The following ZNF423 variants were observed in gnomAD, a reference collection of about 807,000 sequenced individuals.
ZNF423 encodes the protein Ebf-associated zinc finger protein.
In ZNF423, 12 loss-of-function variants were observed where a neutral mutation model predicts 95.8. That is an observed-to-expected ratio of 0.13 (90% CI 0.08 to 0.20). The LOEUF (loss-of-function observed/expected upper bound fraction) is 0.20, where lower values mean the gene tolerates loss of function less well. Ranked by LOEUF, ZNF423 falls within the 10% of genes least tolerant of loss-of-function variation. The pLI, the probability that ZNF423 is intolerant of heterozygous loss-of-function variation, is 1.00. For synonymous variants in ZNF423, 749 were observed against 711.9 expected (o/e 1.05, Z -0.83); for missense variants, 1,316 against 1,737.1 (o/e 0.76, Z 4.31).
intron 5 of ZNF423, among the ~76,000 whole-genome samples, chr16:49,615,327 G>A (rs1971842386): frequency 6.6e-6 from 1 of 152,132 alleles, no homozygotes. Flanking sequence ...AATGAATGGA[G>A]ACATACTTCG....
chr16:49,654,392 C>T (rs867551460), intron 3 of ZNF423, among the ~76,000 whole-genome samples: 2 of 152,204 alleles, frequency 1.3e-5, no homozygotes, highest in African/African-American at 4.8e-5. Flanking sequence ...TCTGGGCCTA[C>T]AGAAGATGGC....
chr16:49,843,785 C>T (rs1263677500), intron 1 of ZNF423, among the ~76,000 whole-genome samples: 1 of 152,042 alleles, frequency 6.6e-6, no homozygotes, highest in East Asian at 1.9e-4. Context: ...CCCTCCCGCC[C>T]ACTTAGCTGG....
chr16:49,708,685 C>A (rs2032440755), intron 3 of ZNF423, among the ~76,000 whole-genome samples: 1 of 152,190 alleles, frequency 6.6e-6, no homozygotes, highest in South Asian at 2.1e-4. Flanking sequence ...ACACGTGCTA[C>A]CCGCACAGCC....
intron 2 of ZNF423, among the ~76,000 whole-genome samples, chr16:49,737,177 A>G (rs1211663445): frequency 6.6e-6 from 1 of 150,580 alleles, no homozygotes; most frequent in African/African-American, 2.4e-5. Flanking sequence ...TCAATGAGGA[A>G]AAAAAAAAAA....
At chr16:49,780,581 C>A (rs530415116) in intron 2 of ZNF423, 2 of 152,422 alleles carry the variant, frequency 1.3e-5, no homozygotes, top group South Asian at 4.1e-4. Context: ...GCTCCAGTCA[C>A]CACCTGACGA....
intron 1 of ZNF423, chr16:49,854,884 C>T (rs1261557675): frequency 1.0e-6 from 1 of 985,148 alleles, no homozygotes; most frequent in Non-Finnish European, 1.2e-6. Flanking sequence ...CCCGGGGAGC[C>T]AGCACAGAAA....
At chr16:49,518,599 A>AT (rs1968254271) in intron 7 of ZNF423, 1 of 420,058 alleles carries the variant, frequency 2.4e-6, no homozygotes, top group Non-Finnish European at 4.6e-6. Context: ...AAAAAAAAAA[A>AT]GTCTCCCCTA....
chr16:49,662,523 C>A (rs2030294796), intron 3 of ZNF423, among the ~76,000 whole-genome samples: 1 of 152,210 alleles, frequency 6.6e-6, no homozygotes, highest in Non-Finnish European at 1.5e-5. Flanking sequence ...CTCTGCCAGC[C>A]CTGTTCGAGG....
intron 2 of ZNF423, among the ~76,000 whole-genome samples, chr16:49,748,669 A>G (rs1316514560): frequency 6.6e-6 from 1 of 152,230 alleles, no homozygotes. Flanking sequence ...GTCAGAGTTC[A>G]AAACAGTTTC....
intron 3 of ZNF423, among the ~76,000 whole-genome samples, chr16:49,695,340 T>C (rs1051577919): frequency 6.6e-6 from 1 of 152,250 alleles, no homozygotes; most frequent in East Asian, 1.9e-4. Flanking sequence ...TTGCCCAGGC[T>C]GGAGTGCAAT....
chr16:49,654,375 G>A (rs1596798589), intron 3 of ZNF423, among the ~76,000 whole-genome samples: 1 of 152,208 alleles, frequency 6.6e-6, no homozygotes, highest in African/African-American at 2.4e-5. Flanking sequence ...TCCTTTCCTG[G>A]TGTTCATCTG....
At chr16:49,731,700 G>A (rs191490330) in intron 2 of ZNF423, among the ~76,000 whole-genome samples, 1 of 152,160 alleles carries the variant, frequency 6.6e-6, no homozygotes, top group East Asian at 1.9e-4. Flanking sequence ...GTGTGTGCCT[G>A]TAGTTCTACC....
chr16:49,840,849 T>C (rs1688305377), intron 1 of ZNF423, among the ~76,000 whole-genome samples: 1 of 152,134 alleles, frequency 6.6e-6, no homozygotes, highest in Non-Finnish European at 1.5e-5. Flanking sequence ...CTCACACACA[T>C]GCACAACTAT....
intron 6 of ZNF423, among the ~76,000 whole-genome samples, chr16:49,524,777 G>A (rs192401637): frequency 4.6e-5 from 7 of 152,294 alleles, no homozygotes; most frequent in Non-Finnish European, 7.4e-5. Context: ...GCTCTCCCAC[G>A]CACACCGGCT....
intron 5 of ZNF423, among the ~76,000 whole-genome samples, chr16:49,605,909 A>G (rs1971522372): frequency 6.6e-6 from 1 of 152,252 alleles, no homozygotes; most frequent in African/African-American, 2.4e-5. Context: ...TTCCCGGGAA[A>G]GGTGTTTCCC....
At chr16:49,712,756 C>T (rs2032584202) in intron 3 of ZNF423, among the ~76,000 whole-genome samples, 1 of 152,240 alleles carries the variant, frequency 6.6e-6, no homozygotes, top group South Asian at 2.1e-4. Flanking sequence ...GTCCCGGGAG[C>T]GGCGCGATCC....
At chr16:49,800,147 G>T (rs1231619962) in intron 1 of ZNF423, among the ~76,000 whole-genome samples, 2 of 151,960 alleles carry the variant, frequency 1.3e-5, no homozygotes, top group African/African-American at 2.4e-5. Flanking sequence ...GAAAGGCTGA[G>T]ATATGAGATG....
At chr16:49,615,128 T>TCACACACACACACACACACACACA (rs557190259) in intron 5 of ZNF423, among the ~76,000 whole-genome samples, 6 of 98,446 alleles carry the variant, frequency 6.1e-5, no homozygotes, top group African/African-American at 1.9e-4. Flanking sequence ...AGAAACTCCA[T>TCACACACACACACACACACACACA]CTCACACACA....
chr16:49,703,618 T>G (rs1248109964), intron 3 of ZNF423, among the ~76,000 whole-genome samples: 3 of 152,242 alleles, frequency 2.0e-5, no homozygotes, highest in African/African-American at 7.2e-5. Context: ...CCTCACAGAC[T>G]TCTAGGGACA....
Sources: allele counts gnomAD v4.1 joint callset (sites outside exome capture counted in the v4.1 genomes callset), GRCh38; gene constraint gnomAD v4.1.1; transcripts MANE v1.5; gene names NCBI Gene and HGNC (gene_info 2026-07-23, HGNC 2026-07-21).